The following PHC2 variants were observed in gnomAD, a reference collection of about 807,000 sequenced individuals.
PHC2 encodes polyhomeotic-like protein 2.
Under a neutral mutation model 87.4 loss-of-function variants are expected in PHC2, and 29 were observed. The ratio of observed to expected loss-of-function variants is 0.33; its 90% confidence interval spans 0.25 to 0.45. The LOEUF is 0.45. Among genes scored for constraint, PHC2 ranks in the 20% least tolerant of loss-of-function variants. PHC2 has a pLI of 1.00. For synonymous variants in PHC2, 438 were observed against 461.7 expected (o/e 0.95, Z 0.66); for missense variants, 857 against 1,136.7 (o/e 0.75, Z 3.54).
Position 33,331,623 on chromosome 1 carries a change from A to T in PHC2, c.1892-161T>A. The stretch of plus-strand genomic sequence containing the variant: ...AGCATGGAAAATGCCAGTGGTTCTC[A>T]CCCCTGGAATGCACTCAAGGGTGTC... On this transcript the variant is annotated intron_variant, in intron 11 of 14. Transcript: ENST00000683057. The surrounding 1 kb of genome is among the most constrained non-coding windows in gnomAD (Gnocchi z 5.2). 1.8e-6 allele frequency: 1 copy of T among 558,128 alleles called. No homozygotes were observed. The highest frequency in any genetic ancestry group is 3.2e-6 in the Non-Finnish European group (1 of 312,040). The allele number at this position is 558,128 out of a possible 1,614,324, so 34.6% of individuals were successfully genotyped here. A position where few individuals can be genotyped will look rare whatever the true frequency, so the allele number is the denominator to read the frequency against.
In PHC2 at chr1:33,332,423, G is replaced by A. The variant is rs1313490883; in HGVS notation, c.1762-19C>T. On this transcript the variant is annotated intron_variant, in intron 10 of 14. Coordinates refer to ENST00000683057, the MANE Select transcript of PHC2 (RefSeq NM_001385109.1). This position sits in a 1 kb window ranked among gnomAD's most constrained non-coding sequence, Gnocchi z 4.2. ...GTCCCACCTAGAGGACAGGTAACAC[G>A]GAGGCCGTGAGGGTCAGGTGGGAGC... 7.4e-6 allele frequency: 12 copies of A among 1,613,908 alleles called. No homozygotes were observed. Among genetic ancestry groups the A allele is most frequent in the African/African-American group, 5.3e-5 (4 of 74,920 alleles).
chr1:33,411,967 A>G (rs183032933), intron 1 of PHC2, among the ~76,000 whole-genome samples: 153 of 152,360 alleles, frequency 1.0e-3, no homozygotes, highest in South Asian at 9.7e-3. Flanking sequence ...AATCTCTTAA[A>G]GGATATCTAA....
intron 1 of PHC2, among the ~76,000 whole-genome samples, chr1:33,399,544 CTAGAA>C (rs1343382018): frequency 6.6e-5 from 10 of 152,140 alleles, no homozygotes; most frequent in Admixed American, 6.5e-4. Context: ...GGAGATGTGC[CTAGAA>C]TAGAAGGAGC....
rs1237971767 is a variant in PHC2, at chr1:33,355,504, T to C, written c.977-251A>G. On this transcript the variant is annotated intron_variant, in intron 7 of 14. Coordinates refer to ENST00000683057, the MANE Select transcript of PHC2 (RefSeq NM_001385109.1). ...TTGAGCTGTCCCCCATCCCCAAAGCTCAACTCCTCAAAACTAAAAACTCAC... is the reference window on the plus strand; with the variant it reads ...TTGAGCTGTCCCCCATCCCCAAAGCCCAACTCCTCAAAACTAAAAACTCAC... Among the ~76,000 whole-genome samples the C allele has an allele frequency of 2.6e-5, 4 of 152,154 alleles. No homozygotes were observed. The East Asian group carries it at 7.7e-4, about 29-fold the overall frequency.
chr1:33,413,891 C>T (rs1650087180), intron 1 of PHC2, among the ~76,000 whole-genome samples: 2 of 152,128 alleles, frequency 1.3e-5, no homozygotes. Context: ...TACATGACTG[C>T]AAGATGGATG....
At position 33,355,237 on chromosome 1, in the gene PHC2, C is replaced by T. The variant is rs1013432237; in HGVS notation, c.993G>A (p.Gln331=). 10 of 1,580,538 alleles carry T rather than the reference C, an allele frequency of 6.3e-6. No homozygotes were observed. The South Asian group carries it at 1.2e-4, about 19-fold the overall frequency. ...ATGGCTGTGGGAGGAGCTGGTGTGG[C>T]TGCAGCTGAGCATAGGCTGAAAGGG... ...PLIAPAYAQL[Q]PHQLLPQPSS... is the part of the protein sequence containing the mutation. The change falls in exon 8 of 15, where the codon CAG becomes CAA. Residue 331 remains glutamine, a synonymous_variant. Transcript: ENST00000683057.
At chr1:33,421,135 T>G (rs972102804) in intron 1 of PHC2, among the ~76,000 whole-genome samples, 1 of 152,198 alleles carries the variant, frequency 6.6e-6, no homozygotes, top group African/African-American at 2.4e-5. Flanking sequence ...AAATGTTGTC[T>G]TATCTTCAGT....
intron 8 of PHC2, 111 bp from the exon 9 acceptor site, chr1:33,354,677 A>G (rs1647035591): frequency 7.5e-7 from 1 of 1,335,810 alleles, no homozygotes; most frequent in Non-Finnish European, 1.0e-6. Context: ...CTTAAGATTC[A>G]GTCATCCTCA....
rs1570491672 is a variant in PHC2, at chr1:33,368,827, G to A, written c.577-205C>T. ...AAGGAAGGGGGAGTCCAAGGGGAGC[G>A]CCTGCCTTTCTCTAGAGGCTCGTTG... On this transcript the variant is annotated intron_variant, in intron 5 of 14. Coordinates refer to ENST00000683057, the MANE Select transcript of PHC2 (RefSeq NM_001385109.1). This position sits in a 1 kb window ranked among gnomAD's most constrained non-coding sequence, Gnocchi z 6.6. 6.6e-6 allele frequency among the ~76,000 whole-genome samples: 1 copy of A among 152,236 alleles called. No individual in the cohort carries two copies. The highest frequency in any genetic ancestry group is 1.5e-5 in the Non-Finnish European group (1 of 68,004).
intron 7 of PHC2, among the ~76,000 whole-genome samples, chr1:33,361,980 T>C (rs1377865676): frequency 6.6e-6 from 1 of 152,222 alleles, no homozygotes; most frequent in African/African-American, 2.4e-5. Context: ...TTGATCATAG[T>C]CATTAAACTA....
chr1:33,325,280 G>A, intron 14 of PHC2: 1 of 400,062 alleles, frequency 2.5e-6, no homozygotes, highest in Non-Finnish European at 4.5e-6. Flanking sequence ...GCGGACCCAT[G>A]TCCACTAAAG....
intron 1 of PHC2, among the ~76,000 whole-genome samples, chr1:33,378,919 T>C (rs2148341823): frequency 6.6e-6 from 1 of 152,174 alleles, no homozygotes; most frequent in East Asian, 1.9e-4. Context: ...AATGAGAGCA[T>C]GATTAGTGCA....
chr1:33,413,262 C>T (rs1039049124), intron 1 of PHC2, among the ~76,000 whole-genome samples: 13 of 152,176 alleles, frequency 8.5e-5, no homozygotes, highest in African/African-American at 3.1e-4. Context: ...CCACTGTGCC[C>T]GGCCTGGACT....
At chr1:33,430,258 TC>T in intron 1 of PHC2, among the ~76,000 whole-genome samples, 1 of 152,218 alleles carries the variant, frequency 6.6e-6, no homozygotes, top group East Asian at 1.9e-4. Flanking sequence ...GGGTGTCAGG[TC>T]ATCACTCAGC....
chr1:33,354,502 G>A lies in PHC2; in HGVS notation c.1457C>T (p.Thr486Met), dbSNP rs766329171. 6.8e-6 allele frequency: 11 copies of A among 1,614,000 alleles called. No homozygotes were observed. The highest frequency in any genetic ancestry group is 2.2e-5 in the East Asian group (1 of 44,888). The part of the protein sequence containing the change: ...VAPGEKSVPE[T>M]RSGPSPHQQA... ...CTGATGTGGTGATGGGCCAGACCGC[G>A]TCTCAGGCACACTTTTCTCCCCTGG... The change falls in exon 9 of 15, where the codon ACG becomes ATG. Residue 486 changes from threonine (T) to methionine (M), a missense_variant. This residue lies in a region of PHC2 where 832 missense variants were observed against 1,081.8 expected (regional missense o/e 0.77). Coordinates refer to ENST00000683057, the MANE Select transcript of PHC2 (RefSeq NM_001385109.1).
chr1:33,329,204 T>C (rs1268371284), intron 13 of PHC2, 58 bp from the exon 14 acceptor site: 1 of 1,557,568 alleles, frequency 6.4e-7, no homozygotes, highest in Non-Finnish European at 8.7e-7. Flanking sequence ...GCAGCAGTGA[T>C]GAACAAAGGA....
intron 7 of PHC2, among the ~76,000 whole-genome samples, chr1:33,365,441 G>C (rs1039809045): frequency 2.6e-5 from 4 of 152,174 alleles, no homozygotes; most frequent in Non-Finnish European, 4.4e-5. Flanking sequence ...GGCCTGGGCT[G>C]GAAGGGGGTT....
chr1:33,380,460 A>G (rs12063654), intron 1 of PHC2, among the ~76,000 whole-genome samples: 2,698 of 152,312 alleles, frequency 0.018, 74 homozygotes, highest in African/African-American at 0.061. Flanking sequence ...TGTTTCACTT[A>G]GCATAATGTT....
chr1:33,324,621 T>C lies in PHC2; in HGVS notation c.*244A>G. ...GTATTGGGACTTTGGAGGAAGCCAG[T>C]GCTATCAATATTTACAAGCATAAAG... is the stretch of plus-strand genomic sequence containing the variant. On this transcript the variant is annotated 3_prime_UTR_variant, in exon 15 of 15. Transcript: ENST00000683057. The C allele has an allele frequency of 2.4e-6, 1 of 423,854 alleles. No homozygotes were observed. The allele number at this position is 423,854 out of a possible 1,614,324, so 26.3% of individuals were successfully genotyped here.
Sources: gnomAD v4.1 joint callset for allele counts (sites outside exome capture counted in the v4.1 genomes callset) on GRCh38, gnomAD v4.1.1 for gene constraint, gnomAD v4.1.1 regional missense constraint, Gnocchi (gnomAD v3.1) non-coding constraint, MANE v1.5 for transcripts, NCBI Gene and HGNC (gene_info 2026-07-23, HGNC 2026-07-21) for gene names.